The following MIPEP variants were observed in gnomAD, a reference collection of about 807,000 sequenced individuals.
MIPEP encodes the protein mitochondrial intermediate peptidase.
Under a neutral mutation model 90.3 loss-of-function variants are expected in MIPEP, and 79 were observed. That is an observed-to-expected ratio of 0.87 (90% CI 0.73 to 1.05). MIPEP has a LOEUF of 1.05. Ranked by LOEUF, MIPEP falls within the 50% of genes least tolerant of loss-of-function variation. The probability of loss-of-function intolerance (pLI) is 0.00; values close to 1 mark genes in which losing one functional copy is unlikely to be tolerated. For missense variants in MIPEP, 940 were observed against 905.6 expected, an observed-to-expected ratio of 1.04 and a Z score of -0.49; for synonymous variants, 334 against 315.8, an observed-to-expected ratio of 1.06 and a Z score of -0.61.
intron 9 of MIPEP, among the ~76,000 whole-genome samples, chr13:23,859,620 T>G (rs552208240): frequency 1.3e-5 from 2 of 152,280 alleles, no homozygotes; most frequent in East Asian, 3.9e-4. Context: ...GACAGGGACT[T>G]TGTTTGCATC....
intron 3 of MIPEP, among the ~76,000 whole-genome samples, chr13:23,880,652 T>C (rs1212986251): frequency 6.6e-6 from 1 of 152,176 alleles, no homozygotes; most frequent in Non-Finnish European, 1.5e-5. Flanking sequence ...GTCCCCACTT[T>C]CAGCCCTGTC....
At chr13:23,749,463 C>T (rs1952417493) in intron 18 of MIPEP, among the ~76,000 whole-genome samples, 1 of 152,198 alleles carries the variant, frequency 6.6e-6, no homozygotes, top group Admixed American at 6.5e-5. Flanking sequence ...ATAAACGTGT[C>T]ATCCTGTCAG....
In MIPEP at chr13:23,874,831, A is replaced by G; in HGVS notation, c.603+15T>C. ...GTAAAACTGGAAGAGTCAAAAAAAC[A>G]GCAGAAAGATGTACCTTTTCTTTGT... On this transcript the variant is annotated intron_variant, in intron 5 of 18. Coordinates refer to ENST00000382172, the MANE Select transcript of MIPEP (RefSeq NM_005932.4). The G allele has an allele frequency of 6.3e-7, 1 of 1,577,664 alleles. No individual in the cohort carries two copies. The highest frequency in any genetic ancestry group is 1.2e-5 in the South Asian group (1 of 83,986).
intron 5 of MIPEP, among the ~76,000 whole-genome samples, chr13:23,872,749 C>T (rs1332711404): frequency 6.6e-6 from 1 of 152,072 alleles, no homozygotes; most frequent in Non-Finnish European, 1.5e-5. Flanking sequence ...TAGATAAAAG[C>T]GGCAATGTCT....
rs550319622 is a variant in MIPEP, at chr13:23,781,549, G to A, written c.1849-21332C>T. 2.6e-3 allele frequency among the ~76,000 whole-genome samples: 403 copies of A among 152,190 alleles called. 2 individuals carry two copies. The highest frequency in any genetic ancestry group is 0.024 in the Middle Eastern group (7 of 294). Reference sequence around the variant, plus strand: ...TGCTAGGAAGAAACTGCATCAACTAGCGAGCAAAATAACCAGCTAACATCA... The same window carrying A: ...TGCTAGGAAGAAACTGCATCAACTAACGAGCAAAATAACCAGCTAACATCA... On this transcript the variant is annotated intron_variant, in intron 16 of 18. Transcript: ENST00000382172.
At chr13:23,843,088 T>C (rs776840900) in intron 10 of MIPEP, among the ~76,000 whole-genome samples, 15 of 112,696 alleles carry the variant, frequency 1.3e-4, no homozygotes, top group Admixed American at 2.3e-4. Flanking sequence ...AGAGCAAGAC[T>C]CTCCATCTCA....
chr13:23,880,094 A>G (rs1413037156), intron 3 of MIPEP, among the ~76,000 whole-genome samples: 2 of 152,122 alleles, frequency 1.3e-5, no homozygotes, highest in Non-Finnish European at 1.5e-5. Flanking sequence ...GGTTGTAAGA[A>G]CCACTCACCA....
At chr13:23,814,518 C>T (rs1953212816) in intron 14 of MIPEP, among the ~76,000 whole-genome samples, 1 of 152,106 alleles carries the variant, frequency 6.6e-6, no homozygotes, top group South Asian at 2.1e-4. Flanking sequence ...GCCTCAGCCT[C>T]CCAAAGTGCT....
At chr13:23,745,801 G>A (rs975873909) in intron 18 of MIPEP, among the ~76,000 whole-genome samples, 5 of 151,828 alleles carry the variant, frequency 3.3e-5, no homozygotes, top group Non-Finnish European at 4.4e-5. Context: ...GGTGGTGGGC[G>A]CCCGTAATCC....
intron 18 of MIPEP, among the ~76,000 whole-genome samples, chr13:23,737,301 C>T (rs1952276911): frequency 6.6e-6 from 1 of 152,188 alleles, no homozygotes; most frequent in Non-Finnish European, 1.5e-5. Context: ...ACTCATGTAA[C>T]GACCAAGAGC....
intron 14 of MIPEP, among the ~76,000 whole-genome samples, chr13:23,825,227 T>A (rs973060475): frequency 2.6e-5 from 4 of 152,198 alleles, no homozygotes; most frequent in African/African-American, 9.7e-5. Flanking sequence ...TAGACATAAT[T>A]GAGAAGCATT....
At chr13:23,750,879 G>A (rs1565981243) in intron 18 of MIPEP, among the ~76,000 whole-genome samples, 1 of 152,220 alleles carries the variant, frequency 6.6e-6, no homozygotes, top group Admixed American at 6.5e-5. Context: ...GGCACTGGGA[G>A]CTCTTTCAGT....
In MIPEP at chr13:23,773,500, C is replaced by T. The variant is rs115980653; in HGVS notation, c.1849-13283G>A. On this transcript the variant is annotated intron_variant, in intron 16 of 18. Transcript: ENST00000382172. The stretch of plus-strand genomic sequence containing the variant: ...ACCACCTGGGAGTGGAACTGCTGGG[C>T]CATCTGGTAACTCTGTTTAACTTTT... 4.9e-3 allele frequency among the ~76,000 whole-genome samples: 749 copies of T among 152,190 alleles called. 7 individuals are homozygous for T. The highest frequency in any genetic ancestry group is 0.017 in the African/African-American group (709 of 41,528).
chr13:23,875,698 C>T (rs184702225), intron 4 of MIPEP, among the ~76,000 whole-genome samples: 10 of 152,092 alleles, frequency 6.6e-5, no homozygotes, highest in East Asian at 1.9e-4. Flanking sequence ...TTATAGTGTA[C>T]GTTTATCGTA....
chr13:23,839,024 G>C (rs530438702), intron 12 of MIPEP, among the ~76,000 whole-genome samples: 1 of 152,286 alleles, frequency 6.6e-6, no homozygotes, highest in South Asian at 2.1e-4. Flanking sequence ...CTAAACTCTT[G>C]ACATTTCCCA....
intron 16 of MIPEP, among the ~76,000 whole-genome samples, chr13:23,771,530 TACACACACACAC>T (rs3077653): frequency 1.2e-4 from 17 of 146,082 alleles, no homozygotes; most frequent in African/African-American, 2.0e-4. Context: ...ATTTGCTGAC[TACACACACACAC>T]ACACACACAC....
At chr13:23,885,410 A>G (rs974094832) in intron 2 of MIPEP, among the ~76,000 whole-genome samples, 2 of 152,150 alleles carry the variant, frequency 1.3e-5, no homozygotes, top group African/African-American at 4.8e-5. Flanking sequence ...AGTCAATAAT[A>G]ATTTAATTGT....
chr13:23,801,081 T>G (rs1388537029), intron 16 of MIPEP, among the ~76,000 whole-genome samples: 1 of 152,238 alleles, frequency 6.6e-6, no homozygotes, highest in East Asian at 1.9e-4. Flanking sequence ...GTTGCTTATA[T>G]TTTCCTTTTC....
chr13:23,879,327 T>C lies in MIPEP; in HGVS notation c.480A>G (p.Gln160=), dbSNP rs747665798. ...TATCAGCTAGTAATTTTTGCAAACTTTGATATAAATCCACATTTGTGTTCA... is the reference window on the plus strand; with the variant it reads ...TATCAGCTAGTAATTTTTGCAAACTCTGATATAAATCCACATTTGTGTTCA... The part of the protein sequence containing the change: ...EKLNTNVDLY[Q]SLQKLLADKK... The change falls in exon 4 of 19, where the codon CAA becomes CAG. Residue 160 remains glutamine, a synonymous_variant. Transcript: ENST00000382172. 8 of 1,596,150 alleles carry C rather than the reference T, an allele frequency of 5.0e-6. No homozygotes were observed. Among genetic ancestry groups the C allele is most frequent in the East Asian group, 2.2e-5 (1 of 44,812 alleles).
Sources: allele counts gnomAD v4.1 joint callset (sites outside exome capture counted in the v4.1 genomes callset), GRCh38; gene constraint gnomAD v4.1.1; transcripts MANE v1.5; gene names NCBI Gene and HGNC (gene_info 2026-07-23, HGNC 2026-07-21).